FBXL7: variants seen among roughly 807,000 people sequenced by gnomAD.
FBXL7 encodes the protein F-box and leucine rich repeat protein 7.
In FBXL7, 12 loss-of-function variants were observed where a neutral mutation model predicts 38.3. The ratio of observed to expected loss-of-function variants is 0.31; its 90% CI spans 0.20 to 0.51. The LOEUF (loss-of-function observed/expected upper bound fraction) is 0.51. Ranked by LOEUF, FBXL7 falls within the 20% of genes least tolerant of loss-of-function variation. The probability of loss-of-function intolerance (pLI) is 0.98; values close to 1 mark genes in which losing one functional copy is unlikely to be tolerated. For missense variants in FBXL7, 567 were observed against 676.4 expected (o/e 0.84, Z 1.79); for synonymous variants, 297 against 300.9 (o/e 0.99, Z 0.13).
intron 1 of FBXL7, among the ~76,000 whole-genome samples, chr5:15,508,801 G>A (rs767344532): frequency 3.9e-5 from 6 of 152,174 alleles, no homozygotes; most frequent in African/African-American, 9.6e-5. Flanking sequence ...TTATACATAC[G>A]TGTTTATATC....
chr5:15,888,175 A>G (rs570642315), intron 2 of FBXL7, among the ~76,000 whole-genome samples: 29 of 152,094 alleles, frequency 1.9e-4, no homozygotes, highest in Non-Finnish European at 3.2e-4. Flanking sequence ...ACTGATTGTT[A>G]TGATCCCTTT....
chr5:15,759,108 C>T (rs1212919996), intron 2 of FBXL7, among the ~76,000 whole-genome samples: 2 of 152,170 alleles, frequency 1.3e-5, no homozygotes, highest in Non-Finnish European at 2.9e-5. Context: ...CATTGATTAA[C>T]CAGTAAGGTG....
At chr5:15,877,800 G>A (rs542653611) in intron 2 of FBXL7, among the ~76,000 whole-genome samples, 4 of 152,124 alleles carry the variant, frequency 2.6e-5, no homozygotes, top group Non-Finnish European at 5.9e-5. Flanking sequence ...GTTTGCTAAA[G>A]AAATTACTAT....
rs1740508606 is a variant in FBXL7 at position 15,617,951 on chromosome 5, T to A, written c.127+1879T>A. On this transcript the variant is annotated intron_variant, in intron 2 of 3. Coordinates refer to ENST00000504595, the MANE Select transcript of FBXL7 (RefSeq NM_012304.5). ...AAGCAGGTTAAATAATCTGTTTTTTTAAGCTTTCTTATTTTTTCTCCTTTT... is the reference window on the plus strand; with the variant it reads ...AAGCAGGTTAAATAATCTGTTTTTTAAAGCTTTCTTATTTTTTCTCCTTTT... 2.0e-5 allele frequency among the ~76,000 whole-genome samples: 3 copies of A among 152,324 alleles called. No individual in the cohort carries two copies. The South Asian group carries it at 6.2e-4, about 32-fold the overall frequency.
At chr5:15,790,410 G>A (rs1028899461) in intron 2 of FBXL7, among the ~76,000 whole-genome samples, 15 of 152,056 alleles carry the variant, frequency 9.9e-5, no homozygotes, top group Admixed American at 3.3e-4. Context: ...TAGAGTTGTC[G>A]TGAGCTTTAA....
chr5:15,850,850 T>A (rs755838034), intron 2 of FBXL7, among the ~76,000 whole-genome samples: 26 of 152,222 alleles, frequency 1.7e-4, no homozygotes, highest in Non-Finnish European at 3.2e-4. Context: ...TTTTCCTGAA[T>A]CCTTTTTCAA....
chr5:15,689,363 A>G (rs1743114885), intron 2 of FBXL7, among the ~76,000 whole-genome samples: 1 of 151,678 alleles, frequency 6.6e-6, no homozygotes, highest in African/African-American at 2.4e-5. Flanking sequence ...TAGGTTATAT[A>G]ATAGGTCTTG....
intron 2 of FBXL7, among the ~76,000 whole-genome samples, chr5:15,644,885 G>A (rs1231701781): frequency 1.3e-5 from 2 of 152,104 alleles, no homozygotes; most frequent in Non-Finnish European, 2.9e-5. Flanking sequence ...ATGGACTCAG[G>A]ACAATGGCAG....
intron 2 of FBXL7, among the ~76,000 whole-genome samples, chr5:15,710,149 C>T (rs758893395): frequency 6.6e-6 from 1 of 152,174 alleles, no homozygotes; most frequent in Non-Finnish European, 1.5e-5. Flanking sequence ...TGTTAGTCCT[C>T]TGCTGCCAAA....
chr5:15,735,034 C>T (rs956454386), intron 2 of FBXL7, among the ~76,000 whole-genome samples: 26 of 152,214 alleles, frequency 1.7e-4, no homozygotes, highest in African/African-American at 5.1e-4. Context: ...TGGGTTCAAG[C>T]GATTCTCCTG....
chr5:15,687,701 A>G (rs1215442301), intron 2 of FBXL7, among the ~76,000 whole-genome samples: 1 of 152,218 alleles, frequency 6.6e-6, no homozygotes, highest in African/African-American at 2.4e-5. Context: ...ACAGTGAGGA[A>G]ATGCTTCTGT....
chr5:15,689,088 G>A (rs1420295932), intron 2 of FBXL7, among the ~76,000 whole-genome samples: 1 of 152,146 alleles, frequency 6.6e-6, no homozygotes, highest in Non-Finnish European at 1.5e-5. Context: ...CCCTGCCCTG[G>A]CACCTAGCGG....
chr5:15,630,137 G>C (rs545500368), intron 2 of FBXL7, among the ~76,000 whole-genome samples: 16 of 152,190 alleles, frequency 1.1e-4, no homozygotes, highest in African/African-American at 3.9e-4. Context: ...ACTGTATCTA[G>C]CTCTATAAAT....
intron 2 of FBXL7, among the ~76,000 whole-genome samples, chr5:15,652,106 G>GT (rs1354445687): frequency 6.6e-6 from 1 of 152,180 alleles, no homozygotes; most frequent in Non-Finnish European, 1.5e-5. Context: ...ATTAAAGAGA[G>GT]TTAGGGCCTT....
rs575563048 is a variant in FBXL7, at chr5:15,568,350, A to G, written c.38-47633A>G. ...ATTTGCATTTCTCTGGCCAGTGATG[A>G]TGAGCATTTTTTCATGTGTCTTTTG... On this transcript the variant is annotated intron_variant, in intron 1 of 3. Transcript: ENST00000504595. Among the ~76,000 whole-genome samples the G allele has an allele frequency of 3.5e-3, 528 of 152,304 alleles. 2 individuals carry two copies. The highest frequency in any genetic ancestry group is 0.012 in the African/African-American group (505 of 41,552).
At chr5:15,859,892 G>C (rs188614930) in intron 2 of FBXL7, among the ~76,000 whole-genome samples, 18 of 152,228 alleles carry the variant, frequency 1.2e-4, no homozygotes, top group Admixed American at 3.3e-4. Flanking sequence ...CGTTGACCAA[G>C]GTTCACAATT....
chr5:15,923,169 C>T (rs564270843), intron 2 of FBXL7, among the ~76,000 whole-genome samples: 3 of 152,312 alleles, frequency 2.0e-5, no homozygotes, highest in East Asian at 1.9e-4. Flanking sequence ...ACCCCTGCAT[C>T]GGGGTCCCTG....
chr5:15,795,266 G>A (rs1399286469), intron 2 of FBXL7, among the ~76,000 whole-genome samples: 1 of 152,202 alleles, frequency 6.6e-6, no homozygotes, highest in Admixed American at 6.5e-5. Flanking sequence ...GGCTGGGAGA[G>A]GAAGTAATAG....
intron 2 of FBXL7, among the ~76,000 whole-genome samples, chr5:15,624,801 G>T (rs1051939097): frequency 6.6e-6 from 1 of 150,630 alleles, no homozygotes; most frequent in African/African-American, 2.4e-5. Flanking sequence ...AAATCAGTCA[G>T]ATTTGCTTCA....
Sources: gnomAD v4.1 joint callset for allele counts (sites outside exome capture counted in the v4.1 genomes callset) on GRCh38, gnomAD v4.1.1 for gene constraint, MANE v1.5 for transcripts, NCBI Gene and HGNC (gene_info 2026-07-23, HGNC 2026-07-21) for gene names.